Variants in BBS9 observed in about 807,000 individuals in gnomAD.
BBS9 encodes Bardet-Biedl syndrome 9.
BBS9 carries 89 observed loss-of-function variants against 117.7 expected under a neutral mutation model. The observed-to-expected ratio is 0.76, with a 90% confidence interval of 0.64 to 0.90. The LOEUF (loss-of-function observed/expected upper bound fraction) is 0.90. Ranked by LOEUF, BBS9 falls within the 40% of genes least tolerant of loss-of-function variation. The probability of loss-of-function intolerance (pLI) is 0.00; values close to 1 mark genes in which losing one functional copy is unlikely to be tolerated. For missense variants in BBS9, 982 were observed against 1,042.2 expected (o/e 0.94, Z 0.80); for synonymous variants, 379 against 370.9 (o/e 1.02, Z -0.25).
chr7:33,177,428 G>A, intron 4 of BBS9, 50 bp from the exon 5 acceptor site: 1 of 1,250,154 alleles, frequency 8.0e-7, no homozygotes. Context: ...ACAAATTAAT[G>A]TTTTTTAGTG....
intron 9 of BBS9, among the ~76,000 whole-genome samples, chr7:33,297,048 G>C (rs886237788): frequency 6.6e-6 from 1 of 152,136 alleles, no homozygotes. Flanking sequence ...ACCTTTAAAA[G>C]AGTCATTGTT....
intron 5 of BBS9, among the ~76,000 whole-genome samples, chr7:33,209,307 G>T (rs1787568759): frequency 6.6e-6 from 1 of 152,088 alleles, no homozygotes; most frequent in Non-Finnish European, 1.5e-5. Context: ...GTATTCCATT[G>T]TATATATGTA....
intron 5 of BBS9, among the ~76,000 whole-genome samples, chr7:33,186,500 T>C (rs775773955): frequency 3.9e-5 from 6 of 152,160 alleles, no homozygotes; most frequent in Non-Finnish European, 7.4e-5. Flanking sequence ...GAATGGAGTG[T>C]AGTTTGGTTT....
intron 19 of BBS9, among the ~76,000 whole-genome samples, chr7:33,470,144 A>T (rs1283885829): frequency 6.6e-6 from 1 of 152,188 alleles, no homozygotes; most frequent in African/African-American, 2.4e-5. Flanking sequence ...CAGGTCCTCA[A>T]GAAGTGCTTA....
chr7:33,155,782 C>T (rs1192780337), intron 4 of BBS9, 80 bp downstream of exon 4: 6 of 806,284 alleles, frequency 7.4e-6, no homozygotes, highest in Non-Finnish European at 1.2e-5. Flanking sequence ...TTCCCTAGTG[C>T]TGACTTGGTA....
rs115005922 is a variant in BBS9 at position 33,299,177 on chromosome 7, C to T, written c.1016+25221C>T. On this transcript the variant is annotated intron_variant, in intron 9 of 22. Transcript: ENST00000242067. The stretch of plus-strand genomic sequence containing the variant: ...TATTTGGTCTTTTTATTCACAATTG[C>T]ATGCATACTAAGACTTTCAGTCATA... 3.0e-3 allele frequency among the ~76,000 whole-genome samples: 457 copies of T among 152,290 alleles called. 2 individuals carry two copies. Among genetic ancestry groups the T allele is most frequent in the African/African-American group, 9.8e-3 (409 of 41,572 alleles).
chr7:33,304,346 A>G (rs1413286142), intron 9 of BBS9, among the ~76,000 whole-genome samples: 71 of 113,148 alleles, frequency 6.3e-4, no homozygotes, highest in Non-Finnish European at 9.1e-4. Flanking sequence ...CTGCCCGGCC[A>G]CCCCGTCTGG....
At chr7:33,402,482 G>A (rs1829073751) in intron 19 of BBS9, among the ~76,000 whole-genome samples, 1 of 151,994 alleles carries the variant, frequency 6.6e-6, no homozygotes, top group Non-Finnish European at 1.5e-5. Context: ...TCCCCCAAAA[G>A]CCCCCTTGTG....
At chr7:33,139,513 A>G (rs969614497) in intron 1 of BBS9, among the ~76,000 whole-genome samples, 3 of 150,942 alleles carry the variant, frequency 2.0e-5, no homozygotes, top group African/African-American at 7.3e-5. Context: ...AGCTACTTTG[A>G]CTTGATGCAG....
At chr7:33,517,609 A>T (rs1029298798) in intron 20 of BBS9, among the ~76,000 whole-genome samples, 1 of 151,854 alleles carries the variant, frequency 6.6e-6, no homozygotes, top group East Asian at 1.9e-4. Context: ...ACGTTTTGCC[A>T]CTCCCCATTG....
intron 19 of BBS9, among the ~76,000 whole-genome samples, chr7:33,448,983 C>T (rs1837385448): frequency 6.6e-6 from 1 of 152,200 alleles, no homozygotes. Context: ...AACTCAAACT[C>T]AGAGAATTTA....
intron 19 of BBS9, among the ~76,000 whole-genome samples, chr7:33,408,462 C>G (rs1308633057): frequency 6.6e-6 from 1 of 152,178 alleles, no homozygotes; most frequent in Non-Finnish European, 1.5e-5. Flanking sequence ...CGCCCACTAT[C>G]TGGCACTCCC....
chr7:33,267,963 A>G (rs1183552787), intron 7 of BBS9, among the ~76,000 whole-genome samples: 3 of 152,170 alleles, frequency 2.0e-5, no homozygotes, highest in Non-Finnish European at 4.4e-5. Flanking sequence ...GACACAGTTA[A>G]GTTACTTGGA....
chr7:33,531,995 A>G (rs1448765963), intron 20 of BBS9, among the ~76,000 whole-genome samples: 1 of 152,218 alleles, frequency 6.6e-6, no homozygotes, highest in African/African-American at 2.4e-5. Flanking sequence ...TCCTCTGTAT[A>G]CCAAGAACAG....
chr7:33,464,903 G>A (rs1487253496), intron 19 of BBS9, among the ~76,000 whole-genome samples: 1 of 151,960 alleles, frequency 6.6e-6, no homozygotes, highest in African/African-American at 2.4e-5. Context: ...ATGGCTCACT[G>A]CAGCCTTGAT....
chr7:33,154,341 G>A lies in BBS9; in HGVS notation c.264-1297G>A, dbSNP rs1387294505. Among the ~76,000 whole-genome samples, 4 of 152,174 alleles carry A rather than the reference G, an allele frequency of 2.6e-5. No individual in the cohort carries two copies. The East Asian group carries it at 7.7e-4, about 29-fold the overall frequency. The stretch of plus-strand genomic sequence containing the variant: ...TAAATGATCATACATATAGTAAGGT[G>A]CAGAGTCAGAACCCCCACCTAGGTC... On this transcript the variant is annotated intron_variant, in intron 3 of 22. Transcript: ENST00000242067.
At chr7:33,176,634 A>G (rs1202048612) in intron 4 of BBS9, among the ~76,000 whole-genome samples, 2 of 152,330 alleles carry the variant, frequency 1.3e-5, no homozygotes, top group Admixed American at 6.5e-5. Flanking sequence ...GTACACATAC[A>G]TATATTTTTA....
intron 4 of BBS9, among the ~76,000 whole-genome samples, chr7:33,162,908 T>A (rs536357206): frequency 2.5e-4 from 38 of 152,280 alleles, no homozygotes; most frequent in Non-Finnish European, 4.7e-4. Flanking sequence ...GTCTTGTGCC[T>A]GTTTTCAAAG....
At chr7:33,131,951 A>G (rs557800515) in intron 1 of BBS9, among the ~76,000 whole-genome samples, 1 of 152,316 alleles carries the variant, frequency 6.6e-6, no homozygotes, top group East Asian at 1.9e-4. Context: ...AGAGTATAGA[A>G]GAGAATTTCT....
Sources: gnomAD v4.1 joint callset for allele counts (sites outside exome capture counted in the v4.1 genomes callset) on GRCh38, gnomAD v4.1.1 for gene constraint, MANE v1.5 for transcripts, NCBI Gene and HGNC (gene_info 2026-07-23, HGNC 2026-07-21) for gene names.